The following CRMP1 variants were observed in gnomAD, a reference collection of about 807,000 sequenced individuals.
CRMP1 encodes the protein collapsin response mediator protein 1.
CRMP1 carries 19 observed loss-of-function variants against 68.3 expected under a neutral mutation model. That is an observed-to-expected ratio of 0.28 (90% confidence interval 0.19 to 0.41). The LOEUF is 0.41. Among genes scored for constraint, CRMP1 ranks in the 10% least tolerant of loss-of-function variants. The pLI is 1.00. For missense variants in CRMP1, 791 were observed against 967.4 expected (o/e 0.82, Z 2.42); for synonymous variants, 439 against 399.6 (o/e 1.10, Z -1.18).
At chr4:5,846,718 G>A (rs1012572383) in intron 6 of CRMP1, among the ~76,000 whole-genome samples, 1 of 139,348 alleles carries the variant, frequency 7.2e-6, no homozygotes, top group Admixed American at 7.5e-5. Context: ...AACCTCCCAA[G>A]TAGCTAGGAT....
Position 5,853,965 on chromosome 4 carries a change from G to A in CRMP1, c.820+2178C>T, listed in dbSNP as rs185000211. On this transcript the variant is annotated intron_variant, in intron 4 of 13. Coordinates refer to ENST00000324989, the MANE Select transcript of CRMP1 (RefSeq NM_001014809.3). The surrounding 1 kb of genome is among the most constrained non-coding windows in gnomAD (Gnocchi z 4.7). Reference sequence around the variant, plus strand: ...ATTCGCCTGCTGGTGACCCAGCCCAGATGCGCACAGCACAGGGCTCCCTGG... The same window carrying A: ...ATTCGCCTGCTGGTGACCCAGCCCAAATGCGCACAGCACAGGGCTCCCTGG... Among the ~76,000 whole-genome samples the A allele has an allele frequency of 2.9e-3, 439 of 152,348 alleles. No homozygotes were observed. The highest frequency in any genetic ancestry group is 0.01 in the African/African-American group (418 of 41,578).
intron 10 of CRMP1, among the ~76,000 whole-genome samples, chr4:5,836,405 C>G (rs915189054): frequency 2.6e-5 from 4 of 152,234 alleles, no homozygotes; most frequent in African/African-American, 9.6e-5. Flanking sequence ...TCTTCCTCTG[C>G]AACAGGAATT....
rs754399880 is a variant in CRMP1 at position 5,828,496 on chromosome 4, C to T, written c.1796G>A (p.Arg599Lys). The T allele has an allele frequency of 3.7e-6, 6 of 1,613,914 alleles. No individual in the cohort carries two copies. The highest frequency in any genetic ancestry group is 1.7e-5 in the Admixed American group (1 of 60,008). ...PEHLYQRVKI[R>K]NKVFGLQGVS... ...CCCTGCAGACACACTCACCTTATTC[C>T]TGATTTTGACGCGCTGGTACAGGTG... Residue 599 changes from arginine to lysine, a missense_variant, in exon 12 of 14, where the codon AGG becomes AAG. Coordinates refer to ENST00000324989, the MANE Select transcript of CRMP1 (RefSeq NM_001014809.3).
intron 11 of CRMP1, among the ~76,000 whole-genome samples, chr4:5,835,279 T>C (rs3774884): frequency 0.14 from 21,123 of 152,162 alleles, 1,722 homozygotes; most frequent in Non-Finnish European, 0.19. Flanking sequence ...AAGGCCACTC[T>C]TGGCCATGCA....
intron 13 of CRMP1, among the ~76,000 whole-genome samples, chr4:5,822,886 C>T (rs1718894350): frequency 6.6e-6 from 1 of 152,196 alleles, no homozygotes; most frequent in Non-Finnish European, 1.5e-5. Context: ...TGCACAAAGC[C>T]CTCTTCGGCA....
At position 5,839,538 on chromosome 4, in the gene CRMP1, T is replaced by C; in HGVS notation, c.1294A>G (p.Thr432Ala). The C allele has an allele frequency of 6.2e-7, 1 of 1,608,998 alleles. No individual in the cohort carries two copies. The highest frequency in any genetic ancestry group is 8.5e-7 in the Non-Finnish European group (1 of 1,178,104). The change falls in exon 9 of 14, where the codon ACC becomes GCC. Residue 432 changes from threonine (T) to alanine (A), a missense_variant. This residue lies in a region of CRMP1 where 594 missense variants were observed against 763.6 expected (regional missense o/e 0.78). Coordinates refer to ENST00000324989, the MANE Select transcript of CRMP1 (RefSeq NM_001014809.3). ...AGGTCTCACCAGGCCAGTAGGGAGG[T>C]CAAGTAGTCGGGCGTGGTAGGGTCC... The part of the protein sequence containing the change: ...SPDPTTPDYL[T>A]SLLACGDLQV...
rs546855349 is a variant in CRMP1 at position 5,843,403 on chromosome 4, C to G, written c.964-242G>C. Among the ~76,000 whole-genome samples, 4 of 152,044 alleles carry G rather than the reference C, an allele frequency of 2.6e-5. No homozygotes were observed. The highest frequency in any genetic ancestry group is 9.7e-5 in the African/African-American group (4 of 41,400). On this transcript the variant is annotated intron_variant, in intron 6 of 13. Transcript: ENST00000324989. The surrounding 1 kb of genome is among the most constrained non-coding windows in gnomAD (Gnocchi z 4.1). ...TGCACCTGCTTTATATTGAATCTCCCGGGATCAATGAGAGGAAGCAGGGTT... is the reference window on the plus strand; with the variant it reads ...TGCACCTGCTTTATATTGAATCTCCGGGGATCAATGAGAGGAAGCAGGGTT...
Position 5,825,615 on chromosome 4 carries a change from A to C in CRMP1, c.1848T>G (p.Pro616=). Residue 616 remains proline (P), a synonymous_variant, in exon 13 of 14, where the codon CCT becomes CCG. Transcript: ENST00000324989. The surrounding 1 kb of genome is among the most constrained non-coding windows in gnomAD (Gnocchi z 4.4). ...TGGGTGTAGCTGGTACCTCGTACAC[A>C]GGACCGTCATACATGCCCCTGGAAA... ...QGVSRGMYDG[P]VYEVPATPKY... 1.2e-6 allele frequency: 2 copies of C among 1,606,348 alleles called. No individual in the cohort carries two copies. The highest frequency in any genetic ancestry group is 1.7e-6 in the Non-Finnish European group (2 of 1,177,688).
At position 5,842,580 on chromosome 4, in the gene CRMP1, C is replaced by CCACACTCA. The variant is rs1482418121; in HGVS notation, c.1032+505_1032+512dup. 6.8e-6 allele frequency among the ~76,000 whole-genome samples: 1 copy of CCACACTCA among 146,246 alleles called. No individual in the cohort carries two copies. The highest frequency in any genetic ancestry group is 1.5e-5 in the Non-Finnish European group (1 of 66,344). On this transcript the variant is annotated intron_variant, in intron 7 of 13. Transcript: ENST00000324989. This position sits in a 1 kb window ranked among gnomAD's most constrained non-coding sequence, Gnocchi z 4.5. ...TCCCTGCAGGTGCATGCACATGCAC[C>CCACACTCA]CACACTCACACACTCTCTCACACAC...
At chr4:5,836,719 A>T (rs764002640) in intron 10 of CRMP1, 46 bp downstream of exon 10, 2 of 1,613,710 alleles carry the variant, frequency 1.2e-6, no homozygotes, top group East Asian at 2.2e-5. Context: ...TTCACAGGGC[A>T]GGTAGAGTGT....
rs1430230793 is a variant in CRMP1, at chr4:5,841,288, G to A, written c.1153+20C>T. 1 of 1,613,772 alleles carries A rather than the reference G, an allele frequency of 6.2e-7. No individual in the cohort carries two copies. Among genetic ancestry groups the A allele is most frequent in the East Asian group, 2.2e-5 (1 of 44,842 alleles). On this transcript the variant is annotated intron_variant, in intron 8 of 13. Transcript: ENST00000324989. This position sits in a 1 kb window ranked among gnomAD's most constrained non-coding sequence, Gnocchi z 6.9. ...TCCAGGCCCCAGCTGCCCCCAGAAG[G>A]CCCAGGGCCGGCTGCATACCTTTCT...
In CRMP1 at chr4:5,850,857, C is replaced by A. The variant is rs1390364849; in HGVS notation, c.882+551G>T. Reference sequence around the variant, plus strand: ...CGTAACCACTCCTCCTGAAGAACAACTTGCGGCTCCATATCCCTTGACTTG... The same window carrying A: ...CGTAACCACTCCTCCTGAAGAACAAATTGCGGCTCCATATCCCTTGACTTG... On this transcript the variant is annotated intron_variant, in intron 5 of 13. Coordinates refer to ENST00000324989, the MANE Select transcript of CRMP1 (RefSeq NM_001014809.3). This position sits in a 1 kb window ranked among gnomAD's most constrained non-coding sequence, Gnocchi z 4.4. Among the ~76,000 whole-genome samples the A allele has an allele frequency of 2.0e-5, 3 of 152,236 alleles. No individual in the cohort carries two copies. Among genetic ancestry groups the A allele is most frequent in the Non-Finnish European group, 2.9e-5 (2 of 68,038 alleles).
chr4:5,828,660 C>G lies in CRMP1; in HGVS notation c.1632G>C (p.Glu544Asp). Residue 544 changes from glutamate to aspartate, a missense_variant, in exon 12 of 14, where the codon GAG (glutamate) becomes GAC (aspartate). Physicochemically the swap from Glu to Asp is conservative, Grantham distance 45. This residue lies in a region of CRMP1 where 594 missense variants were observed against 763.6 expected (regional missense o/e 0.78). Transcript: ENST00000324989. ...ACTCCATACCCTCGAAGATGTTGTA[C>G]TCCACCGCCTGCACCAACAGCCTCA... ...ITAKSHKSAVEYNIFEGMECH... is the reference protein window; with the variant it reads ...ITAKSHKSAVDYNIFEGMECH... 1 of 1,613,586 alleles carries G rather than the reference C, an allele frequency of 6.2e-7. No homozygotes were observed. Among genetic ancestry groups the G allele is most frequent in the Non-Finnish European group, 8.5e-7 (1 of 1,179,542 alleles).
chr4:5,878,308 C>T (rs1303574237), intron 1 of CRMP1, among the ~76,000 whole-genome samples: 1 of 151,862 alleles, frequency 6.6e-6, no homozygotes, highest in Non-Finnish European at 1.5e-5. Context: ...CCTCAGTTCC[C>T]CACTCTGTAA....
rs1415075910 is a variant in CRMP1 at position 5,870,437 on chromosome 4, T to G, written c.382-3681A>C. On this transcript the variant is annotated intron_variant, in intron 1 of 13. Coordinates refer to ENST00000324989, the MANE Select transcript of CRMP1 (RefSeq NM_001014809.3). The surrounding 1 kb of genome is among the most constrained non-coding windows in gnomAD (Gnocchi z 6.0). ...CCCAGGGGACGCATGACACAGGCGT[T>G]GGTGGGGACGGCACTGCCTGGAGTT... Among the ~76,000 whole-genome samples, 1 of 152,196 alleles carries G rather than the reference T, an allele frequency of 6.6e-6. No homozygotes were observed. Among genetic ancestry groups the G allele is most frequent in the East Asian group, 1.9e-4 (1 of 5,180 alleles).
intron 1 of CRMP1, among the ~76,000 whole-genome samples, chr4:5,873,820 C>T (rs1425416011): frequency 6.6e-6 from 1 of 152,092 alleles, no homozygotes; most frequent in East Asian, 1.9e-4. Context: ...GAAGGGTGAC[C>T]TCAAAGTGGG....
chr4:5,854,553 T>C lies in CRMP1; in HGVS notation c.820+1590A>G, dbSNP rs1712905775. On this transcript the variant is annotated intron_variant, in intron 4 of 13. Coordinates refer to ENST00000324989, the MANE Select transcript of CRMP1 (RefSeq NM_001014809.3). This position sits in a 1 kb window ranked among gnomAD's most constrained non-coding sequence, Gnocchi z 4.0. ...AGCCACCATGGCCAATAATGCCTTCTTGATAGAAAGAGCTTAAACAGACAT... is the reference window on the plus strand; with the variant it reads ...AGCCACCATGGCCAATAATGCCTTCCTGATAGAAAGAGCTTAAACAGACAT... Among the ~76,000 whole-genome samples the C allele has an allele frequency of 6.6e-6, 1 of 152,034 alleles. No individual in the cohort carries two copies.
chr4:5,892,682 G>C lies in CRMP1; in HGVS notation c.288C>G (p.Val96=). ...SDVSEPSGSA[V]SSPGERDERP... ...GCTCGTCGCGCTCTCCGGGAGAGCT[G>C]ACCGCGGAGCCCGAGGGCTCGCTCA... Residue 96 remains valine (V), a synonymous_variant, in exon 1 of 14, where the codon GTC becomes GTG. Coordinates refer to ENST00000324989, the MANE Select transcript of CRMP1 (RefSeq NM_001014809.3). The surrounding 1 kb of genome is among the most constrained non-coding windows in gnomAD (Gnocchi z 8.6). The C allele has an allele frequency of 4.1e-6, 5 of 1,217,940 alleles. No homozygotes were observed. Among genetic ancestry groups the C allele is most frequent in the Non-Finnish European group, 5.1e-6 (5 of 979,216 alleles). 75.4% of individuals were successfully genotyped at this position (1,217,940 alleles called of 1,614,324 possible). A position where few individuals can be genotyped will look rare whatever the true frequency, so the allele number is the denominator to read the frequency against.
chr4:5,851,507 G>GA (rs1227136660), intron 4 of CRMP1, 38 bp from the exon 5 acceptor site: 20 of 1,579,006 alleles, frequency 1.3e-5, no homozygotes, highest in Middle Eastern at 1.7e-4. Flanking sequence ...ATATGTTTAA[G>GA]AAAAAACAGA....
Sources: allele counts gnomAD v4.1 joint callset (sites outside exome capture counted in the v4.1 genomes callset), GRCh38; gene constraint gnomAD v4.1.1; regional missense constraint gnomAD v4.1.1; non-coding constraint Gnocchi (gnomAD v3.1); transcripts MANE v1.5; gene names NCBI Gene and HGNC (gene_info 2026-07-23, HGNC 2026-07-21).